Variants in NELL1 observed in about 807,000 individuals in gnomAD.
The protein encoded by NELL1 is protein kinase C-binding protein NELL1.
Under a neutral mutation model 107.4 loss-of-function variants are expected in NELL1, and 76 were observed. That is an observed-to-expected ratio of 0.71 (90% CI 0.59 to 0.86). The LOEUF is 0.86. Ranked by LOEUF, NELL1 falls within the 40% of genes least tolerant of loss-of-function variation. NELL1 has a pLI of 0.00. For synonymous variants in NELL1, 353 were observed against 341.2 expected, an observed-to-expected ratio of 1.03 and a Z score of -0.38; for missense variants, 1,024 against 1,005.5, an observed-to-expected ratio of 1.02 and a Z score of -0.25.
intron 16 of NELL1, among the ~76,000 whole-genome samples, chr11:21,537,562 T>C (rs1157932428): frequency 6.6e-6 from 1 of 152,238 alleles, no homozygotes; most frequent in East Asian, 1.9e-4. Context: ...CCTTCCCTAC[T>C]CACTTTGTTA....
chr11:21,369,193 G>C (rs771628474), intron 14 of NELL1, among the ~76,000 whole-genome samples: 1 of 151,848 alleles, frequency 6.6e-6, no homozygotes, highest in South Asian at 2.1e-4. Context: ...TTTTCTTACT[G>C]GCTTTCCATC....
chr11:21,154,273 A>G (rs577956733), intron 13 of NELL1, among the ~76,000 whole-genome samples: 1 of 152,204 alleles, frequency 6.6e-6, no homozygotes, highest in Non-Finnish European at 1.5e-5. Flanking sequence ...ATGATGATCA[A>G]AAGTAAATAC....
At chr11:21,347,394 G>C (rs112393688) in intron 14 of NELL1, among the ~76,000 whole-genome samples, 9,536 of 152,138 alleles carry the variant, frequency 0.063, 401 homozygotes, top group African/African-American at 0.11. Flanking sequence ...CCTGAGGTCG[G>C]GAGTTTGAGA....
At chr11:20,742,096 A>G (rs1855904257) in intron 2 of NELL1, among the ~76,000 whole-genome samples, 1 of 152,222 alleles carries the variant, frequency 6.6e-6, no homozygotes, top group African/African-American at 2.4e-5. Flanking sequence ...GCTTTTCTCC[A>G]TGCTCTGGTG....
intron 2 of NELL1, among the ~76,000 whole-genome samples, chr11:20,705,804 C>G (rs970654570): frequency 6.6e-6 from 1 of 151,136 alleles, no homozygotes; most frequent in Non-Finnish European, 1.5e-5. Context: ...ACAATGAACG[C>G]CAACAAATTT....
At chr11:21,413,749 T>C in intron 15 of NELL1, among the ~76,000 whole-genome samples, 1 of 152,064 alleles carries the variant, frequency 6.6e-6, no homozygotes, top group East Asian at 1.9e-4. Flanking sequence ...GCAATTTCTC[T>C]GATGTAGAAA....
intron 15 of NELL1, among the ~76,000 whole-genome samples, chr11:21,456,285 G>T (rs1395656286): frequency 6.6e-6 from 1 of 151,822 alleles, no homozygotes; most frequent in Non-Finnish European, 1.5e-5. Context: ...CCCTCTCTTT[G>T]CTTCATTGTG....
At chr11:20,854,281 T>C (rs561937514) in intron 4 of NELL1, among the ~76,000 whole-genome samples, 3 of 152,322 alleles carry the variant, frequency 2.0e-5, no homozygotes, top group South Asian at 4.1e-4. Context: ...GGGCTTTAGC[T>C]TCCTAAGTAT....
chr11:21,311,929 A>T (rs1849758070), intron 14 of NELL1, among the ~76,000 whole-genome samples: 1 of 152,192 alleles, frequency 6.6e-6, no homozygotes, highest in Admixed American at 6.6e-5. Flanking sequence ...TGATTAGGTT[A>T]TAAGCTTGGT....
intron 12 of NELL1, among the ~76,000 whole-genome samples, chr11:21,074,446 A>G (rs573923414): frequency 6.6e-6 from 1 of 152,310 alleles, no homozygotes; most frequent in South Asian, 2.1e-4. Flanking sequence ...TGGTAGGCAG[A>G]GGTTGTAGAA....
At chr11:21,224,737 T>C (rs1244899428) in intron 13 of NELL1, among the ~76,000 whole-genome samples, 1 of 152,212 alleles carries the variant, frequency 6.6e-6, no homozygotes, top group Admixed American at 6.5e-5. Flanking sequence ...TAGCCTATTA[T>C]TGACATTCTC....
intron 2 of NELL1, among the ~76,000 whole-genome samples, chr11:20,711,715 C>T (rs1855117840): frequency 6.6e-6 from 1 of 151,950 alleles, no homozygotes; most frequent in African/African-American, 2.4e-5. Context: ...GACCCCAACC[C>T]CTTTTGGCTT....
chr11:20,766,306 G>C (rs1248906261), intron 2 of NELL1, among the ~76,000 whole-genome samples: 1 of 152,160 alleles, frequency 6.6e-6, no homozygotes, highest in African/African-American at 2.4e-5. Context: ...CTGCAGGCAG[G>C]GTGAAAGCAG....
chr11:21,201,860 C>G (rs1240337929), intron 13 of NELL1, among the ~76,000 whole-genome samples: 1 of 152,078 alleles, frequency 6.6e-6, no homozygotes, highest in East Asian at 1.9e-4. Context: ...TTGTCGAAGG[C>G]CTTTTCTGAA....
chr11:20,847,652 A>G lies in NELL1; in HGVS notation c.405A>G (p.Pro135=). 1 of 1,613,940 alleles carries G rather than the reference A, an allele frequency of 6.2e-7. No individual in the cohort carries two copies. The highest frequency in any genetic ancestry group is 8.5e-7 in the Non-Finnish European group (1 of 1,179,884). Reference sequence around the variant, plus strand: ...ATCACTACATACACAATGGGAAGCCAAGGACAGAGGCACTTCCTTACCGCA... The same window carrying G: ...ATCACTACATACACAATGGGAAGCCGAGGACAGAGGCACTTCCTTACCGCA... ...IRYHYIHNGK[P]RTEALPYRMA... The change falls in exon 4 of 20, where the codon CCA becomes CCG. Residue 135 remains proline (P), a synonymous_variant. Coordinates refer to ENST00000357134, the MANE Select transcript of NELL1 (RefSeq NM_006157.5).
At chr11:21,568,986 C>T (rs1857035492) in intron 17 of NELL1, among the ~76,000 whole-genome samples, 1 of 151,580 alleles carries the variant, frequency 6.6e-6, no homozygotes, top group Non-Finnish European at 1.5e-5. Flanking sequence ...GCAGTATGTA[C>T]TATAAATGAC....
chr11:21,296,516 A>G (rs1309932141), intron 14 of NELL1, among the ~76,000 whole-genome samples: 1 of 152,008 alleles, frequency 6.6e-6, no homozygotes, highest in African/African-American at 2.4e-5. Flanking sequence ...TCTTGAAAAA[A>G]TACAAATGTA....
chr11:20,875,473 G>A (rs1163964024), intron 4 of NELL1, among the ~76,000 whole-genome samples: 3 of 152,156 alleles, frequency 2.0e-5, no homozygotes, highest in African/African-American at 7.2e-5. Flanking sequence ...GGAGGCTGAG[G>A]TGGGAGAATT....
At chr11:21,354,155 T>C (rs1356162248) in intron 14 of NELL1, among the ~76,000 whole-genome samples, 7 of 152,104 alleles carry the variant, frequency 4.6e-5, no homozygotes, top group Non-Finnish European at 8.8e-5. Context: ...AAATGGCATA[T>C]GTGAGATTTG....
Sources: allele counts gnomAD v4.1 joint callset (sites outside exome capture counted in the v4.1 genomes callset), GRCh38; gene constraint gnomAD v4.1.1; transcripts MANE v1.5; gene names NCBI Gene and HGNC (gene_info 2026-07-23, HGNC 2026-07-21).